FHIT: variants seen among roughly 807,000 people sequenced by gnomAD.
FHIT encodes fragile histidine triad diadenosine triphosphatase.
In FHIT, 19 loss-of-function variants were observed where a neutral mutation model predicts 17.9. That is an observed-to-expected ratio of 1.06 (90% CI 0.74 to 1.56). The LOEUF (loss-of-function observed/expected upper bound fraction) is 1.56. Among genes scored for constraint, FHIT ranks in the 40% most tolerant of loss-of-function variants. FHIT has a pLI of 0.00. For missense variants in FHIT, 248 were observed against 189.2 expected (o/e 1.31, Z -1.82); for synonymous variants, 81 against 69.7 (o/e 1.16, Z -0.81).
At chr3:59,800,651 A>G (rs552575751) in intron 8 of FHIT, among the ~76,000 whole-genome samples, 4 of 152,304 alleles carry the variant, frequency 2.6e-5, no homozygotes, top group Non-Finnish European at 5.9e-5. Context: ...CAGCATGTGC[A>G]CCCCTTTCTT....
At chr3:59,770,146 G>A (rs1245805112) in intron 8 of FHIT, among the ~76,000 whole-genome samples, 2 of 152,140 alleles carry the variant, frequency 1.3e-5, no homozygotes, top group African/African-American at 4.8e-5. Context: ...CACTAATAAG[G>A]CTCAATTCAC....
At chr3:61,058,215 A>G (rs1415258578) in intron 2 of FHIT, among the ~76,000 whole-genome samples, 1 of 152,214 alleles carries the variant, frequency 6.6e-6, no homozygotes, top group Non-Finnish European at 1.5e-5. Context: ...TTATATAAGC[A>G]TGAGTCTCCA....
intron 5 of FHIT, among the ~76,000 whole-genome samples, chr3:60,505,089 A>G (rs1344299517): frequency 6.6e-6 from 1 of 151,902 alleles, no homozygotes; most frequent in African/African-American, 2.4e-5. Context: ...TTTTTTTCCT[A>G]TTTAGATCAT....
intron 7 of FHIT, among the ~76,000 whole-genome samples, chr3:59,978,944 G>A (rs1318302601): frequency 6.6e-6 from 1 of 152,012 alleles, no homozygotes; most frequent in African/African-American, 2.4e-5. Context: ...TGGGGGGCAA[G>A]GGTAGTGAAA....
chr3:60,868,847 C>T (rs1704275451), intron 3 of FHIT, among the ~76,000 whole-genome samples: 2 of 152,172 alleles, frequency 1.3e-5, no homozygotes, highest in South Asian at 4.1e-4. Context: ...CTCAAAGGCC[C>T]ATTTCAGCTT....
intron 3 of FHIT, among the ~76,000 whole-genome samples, chr3:60,912,521 G>A (rs1706800326): frequency 6.6e-6 from 1 of 152,182 alleles, no homozygotes; most frequent in Non-Finnish European, 1.5e-5. Flanking sequence ...GGATTATTTT[G>A]AGCTGAAGGC....
At chr3:60,226,390 T>G (rs562726816) in intron 5 of FHIT, among the ~76,000 whole-genome samples, 1 of 145,236 alleles carries the variant, frequency 6.9e-6, no homozygotes, top group South Asian at 2.2e-4. Context: ...GAGAACCGCT[T>G]GAACCCGGGA....
intron 2 of FHIT, among the ~76,000 whole-genome samples, chr3:61,073,908 T>A (rs2034888674): frequency 6.6e-6 from 1 of 152,144 alleles, no homozygotes; most frequent in Non-Finnish European, 1.5e-5. Flanking sequence ...TTGAATAGGG[T>A]CAAAGTAGTT....
At chr3:59,933,887 A>T (rs970916811) in intron 7 of FHIT, among the ~76,000 whole-genome samples, 3 of 152,200 alleles carry the variant, frequency 2.0e-5, no homozygotes, top group Middle Eastern at 3.2e-3. Flanking sequence ...AGGCTCTGTG[A>T]AAGTTTTTAA....
intron 8 of FHIT, among the ~76,000 whole-genome samples, chr3:59,838,674 G>T (rs1701422744): frequency 6.6e-6 from 1 of 152,184 alleles, no homozygotes; most frequent in African/African-American, 2.4e-5. Flanking sequence ...TTTTGATCCA[G>T]TTGTGTAACC....
intron 8 of FHIT, among the ~76,000 whole-genome samples, chr3:59,846,903 G>C (rs1366430634): frequency 6.6e-6 from 1 of 151,954 alleles, no homozygotes; most frequent in African/African-American, 2.4e-5. Context: ...GAATATCTGA[G>C]CCTTCTGGCC....
At chr3:60,771,625 C>T (rs1023711633) in intron 4 of FHIT, among the ~76,000 whole-genome samples, 1 of 152,086 alleles carries the variant, frequency 6.6e-6, no homozygotes, top group Non-Finnish European at 1.5e-5. Flanking sequence ...AAAAGTGCTA[C>T]AGGAAAGTAT....
chr3:59,961,858 G>A (rs577529833), intron 7 of FHIT, among the ~76,000 whole-genome samples: 8 of 152,110 alleles, frequency 5.3e-5, no homozygotes, highest in East Asian at 1.9e-4. Context: ...GTTCCTATTC[G>A]GCCATCTTGA....
intron 8 of FHIT, among the ~76,000 whole-genome samples, chr3:59,762,505 C>CA: frequency 6.6e-6 from 1 of 152,054 alleles, no homozygotes; most frequent in Non-Finnish European, 1.5e-5. Flanking sequence ...ATGAGACACA[C>CA]AAACACTGGA....
intron 5 of FHIT, among the ~76,000 whole-genome samples, chr3:60,244,229 T>A (rs1381792176): frequency 1.3e-5 from 2 of 152,092 alleles, no homozygotes; most frequent in African/African-American, 4.8e-5. Context: ...ACTTCATATT[T>A]TCCCTATAAA....
chr3:60,063,427 A>G (rs1362026892), intron 5 of FHIT, among the ~76,000 whole-genome samples: 1 of 152,188 alleles, frequency 6.6e-6, no homozygotes, highest in Non-Finnish European at 1.5e-5. Context: ...CCAAATTCAC[A>G]TTGGTTGAGG....
chr3:60,423,100 A>G (rs2107269537), intron 5 of FHIT, among the ~76,000 whole-genome samples: 1 of 152,264 alleles, frequency 6.6e-6, no homozygotes, highest in African/African-American at 2.4e-5. Flanking sequence ...GGCAGCCTCA[A>G]TTGCCACCAG....
intron 5 of FHIT, among the ~76,000 whole-genome samples, chr3:60,121,632 T>A (rs143322162): frequency 2.6e-5 from 4 of 151,812 alleles, no homozygotes; most frequent in South Asian, 2.1e-4. Context: ...GGCAGTGAGC[T>A]GAGATCATGC....
chr3:60,399,248 T>C (rs1396461819), intron 5 of FHIT, among the ~76,000 whole-genome samples: 16 of 152,192 alleles, frequency 1.1e-4, no homozygotes, highest in Admixed American at 1.0e-3. Flanking sequence ...CTCATTTTCT[T>C]TTTGCACTGG....
Sources: gnomAD v4.1 joint callset for allele counts (sites outside exome capture counted in the v4.1 genomes callset) on GRCh38, gnomAD v4.1.1 for gene constraint, MANE v1.5 for transcripts, NCBI Gene and HGNC (gene_info 2026-07-23, HGNC 2026-07-21) for gene names.